ZDHHC2: variants seen among roughly 807,000 people sequenced by gnomAD.
ZDHHC2 encodes palmitoyltransferase ZDHHC2.
A neutral mutation model predicts 55.6 loss-of-function variants in ZDHHC2; 51 were observed. The ratio of observed to expected loss-of-function variants is 0.92; its 90% CI spans 0.73 to 1.16. ZDHHC2 has a LOEUF of 1.16. Among genes scored for constraint, ZDHHC2 ranks in the 50% most tolerant of loss-of-function variants. The probability of loss-of-function intolerance (pLI) is 0.00; values close to 1 mark genes in which losing one functional copy is unlikely to be tolerated. For synonymous variants in ZDHHC2, 199 were observed against 152.9 expected (o/e 1.30, Z -2.22); for missense variants, 491 against 442.4 (o/e 1.11, Z -0.99).
At chr8:17,188,374 T>A (rs1350988485) in intron 3 of ZDHHC2, among the ~76,000 whole-genome samples, 1 of 152,004 alleles carries the variant, frequency 6.6e-6, no homozygotes, top group Non-Finnish European at 1.5e-5. Flanking sequence ...TGCCTAGCAA[T>A]AGCAGCTCTT....
chr8:17,200,716 G>C (rs1460100274), intron 6 of ZDHHC2, among the ~76,000 whole-genome samples: 2 of 152,214 alleles, frequency 1.3e-5, no homozygotes, highest in African/African-American at 4.8e-5. Context: ...AGCCTTTACA[G>C]TTTTCACAGA....
chr8:17,221,139 ATCT>A lies in ZDHHC2; in HGVS notation c.*919_*921del, dbSNP rs1330742665. The A allele has an allele frequency of 3.9e-5, 6 of 152,570 alleles. No individual in the cohort carries two copies. Among genetic ancestry groups the A allele is most frequent in the African/African-American group, 1.4e-4 (6 of 41,450 alleles). 9.5% of individuals were successfully genotyped at this position (152,570 alleles called of 1,614,324 possible). ...GTCAATAGATTTACCCTCCAGTGAT[ATCT>A]ATATTATTTCTTTCTCGTCTCATCA... On this transcript the variant is annotated 3_prime_UTR_variant, in exon 13 of 13. Coordinates refer to ENST00000262096, the MANE Select transcript of ZDHHC2 (RefSeq NM_016353.5).
intron 1 of ZDHHC2, among the ~76,000 whole-genome samples, chr8:17,167,491 G>A (rs914029689): frequency 1.3e-5 from 2 of 151,932 alleles, no homozygotes; most frequent in South Asian, 2.1e-4. Flanking sequence ...TTTTTGTAGA[G>A]ACGGGGTTTC....
intron 1 of ZDHHC2, among the ~76,000 whole-genome samples, chr8:17,171,152 G>A (rs1272798050): frequency 6.6e-6 from 1 of 152,052 alleles, no homozygotes; most frequent in East Asian, 1.9e-4. Flanking sequence ...AGGGGGGTGG[G>A]GCTGAAACAA....
chr8:17,156,852 A>T lies in ZDHHC2; in HGVS notation c.129A>T (p.Ile43=), dbSNP rs1379806642. Residue 43 remains isoleucine (I), a splice_region_variant and synonymous_variant, in exon 1 of 13, where the codon ATA becomes ATT. Transcript: ENST00000262096. The stretch of plus-strand genomic sequence containing the variant: ...ACGCCTACGCCATCCAGCTGTGCAT[A>T]GGTGAGTGCGCCCCCCGCCGCGGCG... ...SYYAYAIQLC[I]VSMENTGEQV... 4.0e-6 allele frequency: 6 copies of T among 1,496,930 alleles called. No individual in the cohort carries two copies. Among genetic ancestry groups the T allele is most frequent in the Non-Finnish European group, 3.6e-6 (4 of 1,121,876 alleles). 92.7% of individuals were successfully genotyped at this position (1,496,930 alleles called of 1,614,324 possible).
At position 17,216,903 on chromosome 8, in the gene ZDHHC2, A is replaced by G. The variant is rs78898783; in HGVS notation, c.1064-269A>G. Among the ~76,000 whole-genome samples, 326 of 152,242 alleles carry G rather than the reference A, an allele frequency of 2.1e-3. 1 individual carries two copies. Among genetic ancestry groups the G allele is most frequent in the Non-Finnish European group, 3.5e-3 (235 of 67,982 alleles). On this transcript the variant is annotated intron_variant, in intron 11 of 12. Coordinates refer to ENST00000262096, the MANE Select transcript of ZDHHC2 (RefSeq NM_016353.5). ...GCTGATGTGAGCAGTGTGGGTCAAT[A>G]TATCTTTCATTATTATGTTTCTCTA... is the stretch of plus-strand genomic sequence containing the variant.
chr8:17,179,110 C>G (rs1461559524), intron 1 of ZDHHC2, among the ~76,000 whole-genome samples: 1 of 152,084 alleles, frequency 6.6e-6, no homozygotes, highest in African/African-American at 2.4e-5. Context: ...ACCACTATGC[C>G]TGGCTAATTT....
chr8:17,158,799 A>G (rs1037138622), intron 1 of ZDHHC2, among the ~76,000 whole-genome samples: 1 of 148,618 alleles, frequency 6.7e-6, no homozygotes, highest in Admixed American at 6.6e-5. Context: ...GCCTGGCGCA[A>G]TGCCTGTCTG....
chr8:17,160,177 A>C (rs190310907), intron 1 of ZDHHC2, among the ~76,000 whole-genome samples: 1 of 152,354 alleles, frequency 6.6e-6, no homozygotes, highest in Admixed American at 6.5e-5. Flanking sequence ...TTTAAGTGCT[A>C]ACATTTAAAT....
intron 6 of ZDHHC2, among the ~76,000 whole-genome samples, chr8:17,199,638 C>CCT (rs1563161820): frequency 1.3e-4 from 6 of 45,662 alleles, no homozygotes; most frequent in East Asian, 4.0e-4. Context: ...TCTTCTTCTT[C>CCT]TCCTCCTCCT....
chr8:17,156,846 G>A lies in ZDHHC2; in HGVS notation c.123G>A (p.Leu41=). The A allele has an allele frequency of 1.3e-6, 2 of 1,501,658 alleles. No individual in the cohort carries two copies. The highest frequency in any genetic ancestry group is 1.8e-6 in the Non-Finnish European group (2 of 1,124,038). 93.0% of individuals were successfully genotyped at this position (1,501,658 alleles called of 1,614,324 possible). ...GWSYYAYAIQ[L]CIVSMENTGE... ...CCTACTACGCCTACGCCATCCAGCT[G>A]TGCATAGGTGAGTGCGCCCCCCGCC... The change falls in exon 1 of 13, where the codon CTG becomes CTA. Residue 41 remains leucine (L), a synonymous_variant. Coordinates refer to ENST00000262096, the MANE Select transcript of ZDHHC2 (RefSeq NM_016353.5).
intron 6 of ZDHHC2, among the ~76,000 whole-genome samples, chr8:17,203,809 CT>C (rs3041019): frequency 0.072 from 9,419 of 129,924 alleles, 294 homozygotes; most frequent in Non-Finnish European, 0.11. Flanking sequence ...TCTTTTTTTT[CT>C]TTTTTTTTTT....
intron 6 of ZDHHC2, among the ~76,000 whole-genome samples, chr8:17,205,056 T>C (rs1807029522): frequency 6.6e-6 from 1 of 152,178 alleles, no homozygotes; most frequent in African/African-American, 2.4e-5. Flanking sequence ...ATAAAGAAAA[T>C]GAAATTCTAA....
At chr8:17,205,865 T>C in intron 7 of ZDHHC2, 90 bp downstream of exon 7, 1 of 1,292,600 alleles carries the variant, frequency 7.7e-7, no homozygotes, top group Non-Finnish European at 1.1e-6. Flanking sequence ...ACACTGACTT[T>C]ATAGACCAGA....
intron 4 of ZDHHC2, 51 bp from the exon 5 acceptor site, chr8:17,197,531 A>T: frequency 6.9e-7 from 1 of 1,456,880 alleles, no homozygotes; most frequent in East Asian, 2.3e-5. Flanking sequence ...ATTTAATTGT[A>T]TTTTCAATTC....
chr8:17,208,038 T>A lies in ZDHHC2; in HGVS notation c.676T>A (p.Ser226Thr). 1 of 1,594,856 alleles carries A rather than the reference T, an allele frequency of 6.3e-7. No homozygotes were observed. The highest frequency in any genetic ancestry group is 8.6e-7 in the Non-Finnish European group (1 of 1,169,490). Reference sequence around the variant, plus strand: ...TGCAGCTATGTTTTCTGTCAGCTTGTCTTCTCTGTTTGGCTATCATTGTTG... The same window carrying A: ...TGCAGCTATGTTTTCTGTCAGCTTGACTTCTCTGTTTGGCTATCATTGTTG... ...FAAAMFSVSL[S>T]SLFGYHCWLV... Residue 226 changes from serine (S) to threonine (T), a missense_variant, in exon 8 of 13, where the codon TCT becomes ACT. Transcript: ENST00000262096.
intron 6 of ZDHHC2, among the ~76,000 whole-genome samples, chr8:17,199,465 ACTTCTTCTTCTTCTTCTTCTTCTT>A (rs377014817): frequency 1.2e-4 from 12 of 98,638 alleles, no homozygotes; most frequent in African/African-American, 3.2e-4. Context: ...CTTTAATAAG[ACTTCTTCTTCTTCTTCTTCTTCTT>A]CTTCTTCTTC....
chr8:17,191,073 T>A (rs1420135526), intron 3 of ZDHHC2, among the ~76,000 whole-genome samples: 1 of 147,960 alleles, frequency 6.8e-6, no homozygotes, highest in Non-Finnish European at 1.5e-5. Flanking sequence ...GGGATTCTCC[T>A]GCCTCAGCCT....
intron 8 of ZDHHC2, among the ~76,000 whole-genome samples, chr8:17,209,036 T>C (rs185671553): frequency 1.1e-4 from 16 of 152,326 alleles, no homozygotes; most frequent in Admixed American, 2.0e-4. Context: ...TATACCTCCA[T>C]GTTCATATTC....
Sources: allele counts gnomAD v4.1 joint callset (sites outside exome capture counted in the v4.1 genomes callset), GRCh38; gene constraint gnomAD v4.1.1; transcripts MANE v1.5; gene names NCBI Gene and HGNC (gene_info 2026-07-23, HGNC 2026-07-21).